Variants in GATAD2B observed in about 807,000 individuals in gnomAD.
GATAD2B encodes the protein GATA zinc finger domain containing 2B.
Under a neutral mutation model 64.3 loss-of-function variants are expected in GATAD2B, and 8 were observed. The ratio of observed to expected loss-of-function variants is 0.12; its 90% CI spans 0.07 to 0.22. The LOEUF is 0.22. GATAD2B is among the 10% of genes least tolerant of loss of function. The pLI is 1.00. For synonymous variants in GATAD2B, 281 were observed against 271.3 expected (o/e 1.04, Z -0.35); for missense variants, 453 against 752.0 (o/e 0.60, Z 4.65).
chr1:153,808,646 C>G lies in GATAD2B; in HGVS notation c.*1531G>C, dbSNP rs2101871748. ...AGGTGGGTGTACACTATGAGAAGAG[C>G]AGAAACCCGTACCTTTAAGGGGCTT... On this transcript the variant is annotated 3_prime_UTR_variant, in exon 11 of 11. Transcript: ENST00000368655. 6.6e-6 allele frequency: 1 copy of G among 152,524 alleles called. No homozygotes were observed. The highest frequency in any genetic ancestry group is 2.4e-5 in the African/African-American group (1 of 41,474). 9.4% of individuals were successfully genotyped at this position (152,524 alleles called of 1,614,324 possible).
intron 10 of GATAD2B, among the ~76,000 whole-genome samples, chr1:153,811,307 GGA>G (rs1378994829): frequency 6.6e-6 from 1 of 152,184 alleles, no homozygotes; most frequent in African/African-American, 2.4e-5. Context: ...TGATGGTATG[GGA>G]GAGACAAGTG....
At chr1:153,823,007 A>G (rs2101886616) in intron 2 of GATAD2B, among the ~76,000 whole-genome samples, 1 of 152,068 alleles carries the variant, frequency 6.6e-6, no homozygotes, top group East Asian at 1.9e-4. Context: ...CTGGTCTTAA[A>G]CTTCTAGGCT....
chr1:153,829,087 C>A (rs1158975948), intron 1 of GATAD2B, among the ~76,000 whole-genome samples: 1 of 151,528 alleles, frequency 6.6e-6, no homozygotes, highest in African/African-American at 2.4e-5. Context: ...TGCCTGTAGT[C>A]CCAGCTACTT....
intron 1 of GATAD2B, among the ~76,000 whole-genome samples, chr1:153,918,604 G>T (rs1678340461): frequency 1.3e-5 from 2 of 152,070 alleles, no homozygotes; most frequent in Admixed American, 1.3e-4. Flanking sequence ...TTGATCAAAA[G>T]ATTTAAAGTA....
Position 153,813,437 on chromosome 1 carries a change from G to A in GATAD2B, c.1232C>T (p.Ser411Leu), listed in dbSNP as rs777355037. Residue 411 changes from serine to leucine, a missense_variant, in exon 8 of 11, where the codon TCA becomes TTA. Physicochemically the swap from Ser to Leu is moderately radical, Grantham distance 145. Transcript: ENST00000368655. The part of the protein sequence containing the change: ...VIDSQGKSCA[S>L]LLRVEPFVCA... The stretch of plus-strand genomic sequence containing the variant: ...TACAAAGGGTTCAACCCGCAGAAGT[G>A]AGGCACAGCTTTTGCCTAGATACCA... 6.2e-7 allele frequency: 1 copy of A among 1,613,742 alleles called. No homozygotes were observed.
intron 1 of GATAD2B, chr1:153,921,715 C>G (rs1207615073): frequency 6.6e-6 from 1 of 152,356 alleles, no homozygotes; most frequent in East Asian, 1.9e-4. Context: ...TGCTAGCTAG[C>G]TCAGTTAGCA....
chr1:153,909,690 T>C (rs1212762641), intron 1 of GATAD2B, among the ~76,000 whole-genome samples: 1 of 145,080 alleles, frequency 6.9e-6, no homozygotes, highest in Non-Finnish European at 1.5e-5. Context: ...CCCAGCACTT[T>C]GGGAGACTGA....
At chr1:153,905,925 G>A (rs1324634625) in intron 1 of GATAD2B, among the ~76,000 whole-genome samples, 1 of 151,128 alleles carries the variant, frequency 6.6e-6, no homozygotes, top group Admixed American at 6.6e-5. Context: ...AAATTAGCTG[G>A]GTGTGGTGGC....
chr1:153,835,630 T>C (rs996264520), intron 1 of GATAD2B, among the ~76,000 whole-genome samples: 6 of 152,132 alleles, frequency 3.9e-5, no homozygotes, highest in African/African-American at 1.4e-4. Flanking sequence ...CAAGAAAGTG[T>C]TTTTTATTTA....
At chr1:153,822,555 G>T (rs748290805) in intron 2 of GATAD2B, among the ~76,000 whole-genome samples, 1 of 152,088 alleles carries the variant, frequency 6.6e-6, no homozygotes, top group Non-Finnish European at 1.5e-5. Flanking sequence ...CACTGTCACC[G>T]GGGCTGGAGG....
chr1:153,870,054 T>G (rs975029816), intron 1 of GATAD2B, among the ~76,000 whole-genome samples: 2 of 152,056 alleles, frequency 1.3e-5, no homozygotes, highest in Non-Finnish European at 2.9e-5. Context: ...CAGCAGCAAT[T>G]CTCCTGCCTC....
intron 3 of GATAD2B, among the ~76,000 whole-genome samples, 200 bp from the exon 4 acceptor site, chr1:153,819,122 A>C (rs1674584516): frequency 6.6e-6 from 1 of 152,244 alleles, no homozygotes; most frequent in African/African-American, 2.4e-5. Flanking sequence ...TTACAGAATT[A>C]AAGGACAGAC....
At chr1:153,902,456 T>C (rs1319105824) in intron 1 of GATAD2B, among the ~76,000 whole-genome samples, 1 of 152,092 alleles carries the variant, frequency 6.6e-6, no homozygotes, top group East Asian at 1.9e-4. Flanking sequence ...ATTATAATTA[T>C]TGTATTCCTT....
At chr1:153,922,118 G>A (rs1158109861) in intron 1 of GATAD2B, 3 of 152,168 alleles carry the variant, frequency 2.0e-5, no homozygotes, top group Admixed American at 1.3e-4. Context: ...GGTGGACGAC[G>A]AAATAAAGGG....
In GATAD2B at chr1:153,922,834, G is replaced by C. The variant is rs912492689; in HGVS notation, c.-103C>G. 6.9e-6 allele frequency: 1 copy of C among 145,788 alleles called. No individual in the cohort carries two copies. The highest frequency in any genetic ancestry group is 2.5e-5 in the African/African-American group (1 of 39,462). The allele number at this position is 145,788 out of a possible 1,614,324, so 9.0% of individuals were successfully genotyped here. A position where few individuals can be genotyped will look rare whatever the true frequency, so the allele number is the denominator to read the frequency against. On this transcript the variant is annotated 5_prime_UTR_variant, in exon 1 of 11. Transcript: ENST00000368655. ...CGGCACAGGGGATCCAGACCCTGCT[G>C]ACGGGACTAGGGACGGGGGTAGGGG...
At chr1:153,908,422 C>CTAACTAACTAACTA (rs1557832813) in intron 1 of GATAD2B, among the ~76,000 whole-genome samples, 1 of 151,676 alleles carries the variant, frequency 6.6e-6, no homozygotes, top group Non-Finnish European at 1.5e-5. Flanking sequence ...AAAGATCTTA[C>CTAACTAACTAACTA]AACTAACTAA....
Position 153,879,762 on chromosome 1 carries a change from C to CAA in GATAD2B, c.-2+42969_-2+42970dup, listed in dbSNP as rs71093298. ...TGGCAACAGAGCGAGACACTGTCTACAAAAAAAAAAAAAAAAAAAAAGACA... is the reference window on the plus strand; with the variant it reads ...TGGCAACAGAGCGAGACACTGTCTACAAAAAAAAAAAAAAAAAAAAAAAGACA... On this transcript the variant is annotated intron_variant, in intron 1 of 10. Transcript: ENST00000368655. 1.8e-3 allele frequency among the ~76,000 whole-genome samples: 149 copies of CAA among 80,862 alleles called. 1 individual carries two copies. The highest frequency in any genetic ancestry group is 4.4e-3 in the East Asian group (14 of 3,176). The allele number at this position is 80,862 out of a possible 152,430, so 53.0% of individuals were successfully genotyped here. A position where few individuals can be genotyped will look rare whatever the true frequency, so the allele number is the denominator to read the frequency against.
At chr1:153,845,042 G>C (rs1294695533) in intron 1 of GATAD2B, among the ~76,000 whole-genome samples, 2 of 152,018 alleles carry the variant, frequency 1.3e-5, no homozygotes, top group African/African-American at 4.8e-5. Context: ...CTTTAAAACA[G>C]ATATTAATAT....
intron 10 of GATAD2B, among the ~76,000 whole-genome samples, chr1:153,810,639 A>G (rs1674263479): frequency 6.6e-6 from 1 of 151,932 alleles, no homozygotes; most frequent in South Asian, 2.1e-4. Context: ...TATTTTTAGT[A>G]GAGATGGGGT....
Sources: gnomAD v4.1 joint callset for allele counts (sites outside exome capture counted in the v4.1 genomes callset) on GRCh38, gnomAD v4.1.1 for gene constraint, MANE v1.5 for transcripts, NCBI Gene and HGNC (gene_info 2026-07-23, HGNC 2026-07-21) for gene names.